Variants in SYNDIG1 observed in about 807,000 individuals in gnomAD.
SYNDIG1 encodes the protein synapse differentiation-inducing gene protein 1.
In SYNDIG1, 9 loss-of-function variants were observed where a neutral mutation model predicts 19.4. That is an observed-to-expected ratio of 0.46 (90% CI 0.28 to 0.81). SYNDIG1 has a LOEUF of 0.81. Among genes scored for constraint, SYNDIG1 ranks in the 30% least tolerant of loss-of-function variants. The pLI is 0.12. For synonymous variants in SYNDIG1, 141 were observed against 145.9 expected, an observed-to-expected ratio of 0.97 and a Z score of 0.24; for missense variants, 311 against 343.3, an observed-to-expected ratio of 0.91 and a Z score of 0.74.
At chr20:24,589,064 A>T (rs2058465091) in intron 3 of SYNDIG1, among the ~76,000 whole-genome samples, 1 of 152,308 alleles carries the variant, frequency 6.6e-6, no homozygotes, top group Admixed American at 6.5e-5. Flanking sequence ...TTTGTAAACC[A>T]GTTCATACAG....
Position 24,607,631 on chromosome 20 carries a change from C to G in SYNDIG1, c.618+22638C>G, listed in dbSNP as rs943988894. On this transcript the variant is annotated intron_variant, in intron 3 of 3. Coordinates refer to ENST00000376862, the MANE Select transcript of SYNDIG1 (RefSeq NM_024893.3). ...CAGTGGAGACGGCCTCGGGCTCCCC[C>G]TCTCCCTGCTTCAAGGGCCGAAATT... 2.4e-4 allele frequency among the ~76,000 whole-genome samples: 37 copies of G among 152,356 alleles called. 1 individual carries two copies. Among genetic ancestry groups the G allele is most frequent in the South Asian group, 8.3e-4 (4 of 4,824 alleles).
chr20:24,661,475 G>A (rs1568723183), intron 3 of SYNDIG1, among the ~76,000 whole-genome samples: 36 of 117,476 alleles, frequency 3.1e-4, no homozygotes, highest in Admixed American at 4.0e-4. Context: ...AGGAGGGAGG[G>A]AAGAGGGAGG....
At chr20:24,657,124 G>C (rs1379051051) in intron 3 of SYNDIG1, among the ~76,000 whole-genome samples, 1 of 152,174 alleles carries the variant, frequency 6.6e-6, no homozygotes, top group African/African-American at 2.4e-5. Flanking sequence ...CCTCCAGAAG[G>C]ATGAGCTACT....
intron 3 of SYNDIG1, among the ~76,000 whole-genome samples, chr20:24,656,944 C>T (rs1300400325): frequency 2.0e-5 from 3 of 152,188 alleles, no homozygotes; most frequent in Non-Finnish European, 4.4e-5. Flanking sequence ...ACATTGAGTG[C>T]TCTGAGATCT....
chr20:24,531,876 CT>C (rs547615159), intron 1 of SYNDIG1, among the ~76,000 whole-genome samples: 1 of 152,236 alleles, frequency 6.6e-6, no homozygotes, highest in Non-Finnish European at 1.5e-5. Flanking sequence ...GCAAAAGCAT[CT>C]GCTGTATTTA....
At chr20:24,538,859 T>C (rs1568622393) in intron 1 of SYNDIG1, among the ~76,000 whole-genome samples, 1 of 152,170 alleles carries the variant, frequency 6.6e-6, no homozygotes, top group Non-Finnish European at 1.5e-5. Flanking sequence ...TTATTAGTGA[T>C]GTTGAGCATC....
chr20:24,537,598 C>G (rs1423942096), intron 1 of SYNDIG1, among the ~76,000 whole-genome samples: 2 of 152,224 alleles, frequency 1.3e-5, no homozygotes, highest in African/African-American at 4.8e-5. Flanking sequence ...ACTCCTCCTT[C>G]AGTGATCAGA....
chr20:24,640,970 C>T (rs186031041), intron 3 of SYNDIG1, among the ~76,000 whole-genome samples: 2 of 152,326 alleles, frequency 1.3e-5, no homozygotes, highest in East Asian at 1.9e-4. Flanking sequence ...AATTGCTCTT[C>T]GTCCCCGGTG....
chr20:24,557,369 A>T (rs1459900244), intron 2 of SYNDIG1, among the ~76,000 whole-genome samples: 7 of 152,082 alleles, frequency 4.6e-5, no homozygotes, highest in Non-Finnish European at 1.0e-4. Flanking sequence ...CCTTTGGAGG[A>T]GGAGAGGCGC....
intron 1 of SYNDIG1, among the ~76,000 whole-genome samples, chr20:24,526,451 A>G (rs374560270): frequency 6.6e-6 from 1 of 152,212 alleles, no homozygotes; most frequent in African/African-American, 2.4e-5. Flanking sequence ...AAAGCTGAAC[A>G]TGTTCACACA....
intron 1 of SYNDIG1, among the ~76,000 whole-genome samples, chr20:24,535,764 A>G (rs2057348814): frequency 6.6e-6 from 1 of 152,120 alleles, no homozygotes; most frequent in Non-Finnish European, 1.5e-5. Flanking sequence ...TTTTTGTGTA[A>G]AATGCTGTGG....
At chr20:24,496,838 A>T (rs2056316483) in intron 1 of SYNDIG1, among the ~76,000 whole-genome samples, 8 of 152,166 alleles carry the variant, frequency 5.3e-5, no homozygotes, top group Admixed American at 5.2e-4. Context: ...TGTACTTTAA[A>T]TATTTAAGAT....
intron 3 of SYNDIG1, among the ~76,000 whole-genome samples, chr20:24,653,992 G>A (rs556979069): frequency 1.3e-5 from 2 of 152,298 alleles, no homozygotes; most frequent in South Asian, 2.1e-4. Context: ...AGGTACTGGG[G>A]GCCAGGATTT....
At chr20:24,484,536 C>G (rs1414798779) in intron 1 of SYNDIG1, among the ~76,000 whole-genome samples, 1 of 152,118 alleles carries the variant, frequency 6.6e-6, no homozygotes, top group African/African-American at 2.4e-5. Flanking sequence ...AGTCTCAAGC[C>G]CACCTGGGTT....
At chr20:24,546,063 G>T (rs1179842400) in intron 2 of SYNDIG1, among the ~76,000 whole-genome samples, 1 of 152,208 alleles carries the variant, frequency 6.6e-6, no homozygotes, top group South Asian at 2.1e-4. Flanking sequence ...GGCTGCTGCT[G>T]CTTCTACATG....
chr20:24,510,111 T>G (rs769726994), intron 1 of SYNDIG1, among the ~76,000 whole-genome samples: 1 of 152,230 alleles, frequency 6.6e-6, no homozygotes, highest in South Asian at 2.1e-4. Context: ...GCCAGCACCA[T>G]GCTTCCTGTA....
At chr20:24,578,996 CGTCA>C (rs1254717948) in intron 2 of SYNDIG1, among the ~76,000 whole-genome samples, 2 of 152,316 alleles carry the variant, frequency 1.3e-5, no homozygotes, top group African/African-American at 4.8e-5. Context: ...CCGAGCCACC[CGTCA>C]GTCAGTATTG....
At chr20:24,507,362 T>A (rs6049744) in intron 1 of SYNDIG1, among the ~76,000 whole-genome samples, 98,560 of 152,188 alleles carry the variant, frequency 0.65, 32,125 homozygotes, top group Middle Eastern at 0.75. Context: ...TGATTCATCA[T>A]CTATATTCTC....
chr20:24,624,912 AATATTTGG>A (rs2059098682), intron 3 of SYNDIG1, among the ~76,000 whole-genome samples: 1 of 152,246 alleles, frequency 6.6e-6, no homozygotes, highest in Non-Finnish European at 1.5e-5. Flanking sequence ...TTATTTCTCA[AATATTTGG>A]AACTTAGAAA....
Sources: allele counts gnomAD v4.1 joint callset (sites outside exome capture counted in the v4.1 genomes callset), GRCh38; gene constraint gnomAD v4.1.1; transcripts MANE v1.5; gene names NCBI Gene and HGNC (gene_info 2026-07-23, HGNC 2026-07-21).